SNX29: variants seen among roughly 807,000 people sequenced by gnomAD.
SNX29 encodes the protein sorting nexin 29.
In SNX29, 78 loss-of-function variants were observed where a neutral mutation model predicts 102.1. That is an observed-to-expected ratio of 0.76 (90% CI 0.64 to 0.92). The LOEUF is 0.92. Ranked by LOEUF, SNX29 falls within the 40% of genes least tolerant of loss-of-function variation. The pLI, the probability that SNX29 is intolerant of heterozygous loss-of-function variation, is 0.00. For missense variants in SNX29, 1,280 were observed against 1,061.7 expected, an observed-to-expected ratio of 1.21 and a Z score of -2.86; for synonymous variants, 580 against 414.5, an observed-to-expected ratio of 1.40 and a Z score of -4.85.
In SNX29 at chr16:12,571,835, A is replaced by G. The variant is rs1172474638; in HGVS notation, c.*3206A>G. ...CCAGCTTCTTTGATTCCCACTTAGC[A>G]GTATGCTCCAATCACGTTGCTGGCA... On this transcript the variant is annotated 3_prime_UTR_variant, in exon 21 of 21. Transcript: ENST00000566228. The G allele has an allele frequency of 1.9e-5, 20 of 1,045,402 alleles. No homozygotes were observed. Among genetic ancestry groups the G allele is most frequent in the Non-Finnish European group, 2.2e-5 (19 of 862,434 alleles). 64.8% of individuals were successfully genotyped at this position (1,045,402 alleles called of 1,614,324 possible).
At chr16:12,340,602 G>T (rs953622187) in intron 15 of SNX29, among the ~76,000 whole-genome samples, 3 of 152,186 alleles carry the variant, frequency 2.0e-5, no homozygotes, top group African/African-American at 7.2e-5. Context: ...CCACTTGGGG[G>T]CAGTGTGAGG....
At chr16:12,050,543 G>A (rs1040533255) in intron 7 of SNX29, among the ~76,000 whole-genome samples, 3 of 152,100 alleles carry the variant, frequency 2.0e-5, no homozygotes, top group Admixed American at 6.6e-5. Context: ...CCCCATCCAC[G>A]TGTCTGGAAT....
chr16:12,544,787 C>A (rs1358925104), intron 20 of SNX29, among the ~76,000 whole-genome samples: 1 of 152,172 alleles, frequency 6.6e-6, no homozygotes, highest in Admixed American at 6.5e-5. Context: ...AACTGCAGAG[C>A]CAGGATTCTA....
intron 1 of SNX29, among the ~76,000 whole-genome samples, chr16:11,987,296 C>G (rs2055669395): frequency 6.6e-6 from 1 of 151,874 alleles, no homozygotes; most frequent in Admixed American, 6.6e-5. Context: ...TCTTGAAGTC[C>G]TGAGCCCAAG....
chr16:12,560,238 A>T (rs1242388905), intron 20 of SNX29, among the ~76,000 whole-genome samples: 1 of 152,044 alleles, frequency 6.6e-6, no homozygotes, highest in Non-Finnish European at 1.5e-5. Context: ...TGCAGAAGAA[A>T]AGCCTGAAGC....
chr16:12,108,302 G>C (rs1250974216), intron 11 of SNX29, among the ~76,000 whole-genome samples: 1 of 152,206 alleles, frequency 6.6e-6, no homozygotes, highest in Non-Finnish European at 1.5e-5. Context: ...GGGACCCCAG[G>C]CCTGATGCCC....
At position 12,236,023 on chromosome 16, in the gene SNX29, C is replaced by G. The variant is rs992777661; in HGVS notation, c.1678+36340C>G. ...GACGGAATAAATGTTATTTAAAACTCTCTGTTTCCTTCCTGTCCTCTCTGT... is the reference window on the plus strand; with the variant it reads ...GACGGAATAAATGTTATTTAAAACTGTCTGTTTCCTTCCTGTCCTCTCTGT... On this transcript the variant is annotated intron_variant, in intron 14 of 20. Transcript: ENST00000566228. 2.0e-5 allele frequency among the ~76,000 whole-genome samples: 3 copies of G among 152,222 alleles called. No homozygotes were observed. In the South Asian group the frequency reaches 6.2e-4, roughly 32 times the overall value.
At chr16:12,293,074 C>T (rs2079853528) in intron 15 of SNX29, among the ~76,000 whole-genome samples, 1 of 152,186 alleles carries the variant, frequency 6.6e-6, no homozygotes, top group Non-Finnish European at 1.5e-5. Context: ...ATGTGTCAAA[C>T]ATTGCAGGGG....
At chr16:12,005,196 A>T (rs2056413623) in intron 3 of SNX29, among the ~76,000 whole-genome samples, 1 of 152,218 alleles carries the variant, frequency 6.6e-6, no homozygotes, top group Non-Finnish European at 1.5e-5. Context: ...TTGTGGCATT[A>T]GATCATTCGA....
chr16:12,541,412 CTG>C, intron 20 of SNX29, among the ~76,000 whole-genome samples: 1 of 152,294 alleles, frequency 6.6e-6, no homozygotes, highest in South Asian at 2.1e-4. Context: ...GATAAAGAAA[CTG>C]AGGCTCATGG....
Position 12,426,062 on chromosome 16 carries a change from T to A in SNX29, c.2037+22533T>A, listed in dbSNP as rs552858945. 2.5e-4 allele frequency among the ~76,000 whole-genome samples: 33 copies of A among 130,092 alleles called. 1 individual carries two copies. The South Asian group carries it at 8.5e-3, about 34-fold the overall frequency. 85.3% of individuals were successfully genotyped at this position (130,092 alleles called of 152,430 possible). A position where few individuals can be genotyped will look rare whatever the true frequency, so the allele number is the denominator to read the frequency against. ...TAAAGGCTTACTGGGACAAAAAAAA[T>A]ATTTGGTTTTTTAGTTATCTTATTT... is the stretch of plus-strand genomic sequence containing the variant. On this transcript the variant is annotated intron_variant, in intron 18 of 20. Transcript: ENST00000566228.
chr16:12,223,112 G>A (rs182716026), intron 14 of SNX29, among the ~76,000 whole-genome samples: 278 of 152,286 alleles, frequency 1.8e-3, no homozygotes, highest in African/African-American at 6.2e-3. Flanking sequence ...TATGAGTAGG[G>A]TTTCTGGAGT....
chr16:12,203,183 C>T (rs922933245), intron 14 of SNX29, among the ~76,000 whole-genome samples: 16 of 150,400 alleles, frequency 1.1e-4, no homozygotes, highest in African/African-American at 2.2e-4. Flanking sequence ...GGACTGGTGG[C>T]GTTGGAGGTG....
At chr16:12,431,040 C>T (rs977808294) in intron 18 of SNX29, among the ~76,000 whole-genome samples, 15 of 152,156 alleles carry the variant, frequency 9.9e-5, no homozygotes, top group South Asian at 6.2e-4. Context: ...TTAGTAGAGA[C>T]GGAGTTTCAC....
At chr16:12,401,652 C>T (rs1347292356) in intron 17 of SNX29, among the ~76,000 whole-genome samples, 2 of 152,134 alleles carry the variant, frequency 1.3e-5, no homozygotes, top group East Asian at 3.9e-4. Flanking sequence ...GTGTGAGCCC[C>T]TGCACCCAGC....
Position 12,069,063 on chromosome 16 carries a change from C to G in SNX29, c.1250C>G (p.Pro417Arg), listed in dbSNP as rs1341892634. ...GATTGCTCTCTCTGCACAGATGCCC[C>G]CCTCGGAAGCCTGGAGAACGGGACA... ...GVGSYSPADA[P>R]LGSLENGTGP... The change falls in exon 10 of 21, where the codon CCC becomes CGC. Residue 417 changes from proline (P) to arginine (R), a missense_variant. Coordinates refer to ENST00000566228, the MANE Select transcript of SNX29 (RefSeq NM_032167.5). 2 of 1,613,706 alleles carry G rather than the reference C, an allele frequency of 1.2e-6. No homozygotes were observed. The highest frequency in any genetic ancestry group is 1.3e-5 in the African/African-American group (1 of 74,912).
intron 11 of SNX29, among the ~76,000 whole-genome samples, chr16:12,104,124 C>T (rs1355511133): frequency 6.6e-6 from 1 of 152,174 alleles, no homozygotes; most frequent in African/African-American, 2.4e-5. Flanking sequence ...GATCCCATAC[C>T]ATCTGGCAGT....
At chr16:12,525,581 A>G (rs2076757692) in intron 20 of SNX29, among the ~76,000 whole-genome samples, 1 of 151,464 alleles carries the variant, frequency 6.6e-6, no homozygotes, top group Admixed American at 6.6e-5. Context: ...AGTCCCAGCT[A>G]CTTGGGAGGC....
At chr16:12,094,690 A>G (rs2052697341) in intron 11 of SNX29, among the ~76,000 whole-genome samples, 1 of 152,170 alleles carries the variant, frequency 6.6e-6, no homozygotes, top group Non-Finnish European at 1.5e-5. Flanking sequence ...GCATCTGCTA[A>G]GTAGAGCCCA....
Sources: allele counts gnomAD v4.1 joint callset (sites outside exome capture counted in the v4.1 genomes callset), GRCh38; gene constraint gnomAD v4.1.1; transcripts MANE v1.5; gene names NCBI Gene and HGNC (gene_info 2026-07-23, HGNC 2026-07-21).